Variants in UBR1 observed in about 807,000 individuals in gnomAD.
UBR1 encodes the protein ubiquitin protein ligase E3 component n-recognin 1, also known as E3 ubiquitin-protein ligase UBR1.
In UBR1, 102 loss-of-function variants were observed where a neutral mutation model predicts 242.1. The ratio of observed to expected loss-of-function variants is 0.42; its 90% CI spans 0.36 to 0.50. UBR1 has a LOEUF of 0.50. Ranked by LOEUF, UBR1 falls within the 20% of genes least tolerant of loss-of-function variation. UBR1 has a pLI of 0.01. For synonymous variants in UBR1, 675 were observed against 684.8 expected (o/e 0.99, Z 0.22); for missense variants, 1,772 against 2,101.8 (o/e 0.84, Z 3.07).
chr15:43,076,517 G>A (rs12904814), intron 3 of UBR1, among the ~76,000 whole-genome samples: 1 of 149,174 alleles, frequency 6.7e-6, no homozygotes, highest in African/African-American at 2.5e-5. Context: ...CTGCCCGGCC[G>A]CCCATCGTCT....
At chr15:42,962,207 T>A (rs2032035005) in intron 42 of UBR1, among the ~76,000 whole-genome samples, 1 of 152,104 alleles carries the variant, frequency 6.6e-6, no homozygotes, top group Non-Finnish European at 1.5e-5. Flanking sequence ...CCATTCTAAG[T>A]ATTTAAACAA....
chr15:43,091,933 AAAAT>A, intron 1 of UBR1: 1 of 392,214 alleles, frequency 2.5e-6, no homozygotes, highest in African/African-American at 2.2e-5. Flanking sequence ...AAAAAAAAAA[AAAAT>A]TAGCCAGATG....
chr15:43,050,955 G>T (rs1265635613), intron 12 of UBR1, among the ~76,000 whole-genome samples: 3 of 152,172 alleles, frequency 2.0e-5, no homozygotes, highest in African/African-American at 7.2e-5. Context: ...AGGGAAAAAT[G>T]AATGCTCATA....
At chr15:43,023,897 G>A (rs1171947141) in intron 25 of UBR1, among the ~76,000 whole-genome samples, 2 of 152,136 alleles carry the variant, frequency 1.3e-5, no homozygotes, top group African/African-American at 4.8e-5. Context: ...AAAAACATTT[G>A]TATAAGAACG....
chr15:43,063,925 G>A lies in UBR1; in HGVS notation c.799-3811C>T, dbSNP rs145353550. ...CTAATTTTGTATTTCTAGTAGGGAC[G>A]GCGTTTCTCCATGTTGGTCAGGCTG... On this transcript the variant is annotated intron_variant, in intron 6 of 46. Coordinates refer to ENST00000290650, the MANE Select transcript of UBR1 (RefSeq NM_174916.3). Among the ~76,000 whole-genome samples the A allele has an allele frequency of 3.5e-3, 525 of 152,106 alleles. 2 individuals carry two copies. Among genetic ancestry groups the A allele is most frequent in the African/African-American group, 0.012 (499 of 41,480 alleles).
intron 21 of UBR1, among the ~76,000 whole-genome samples, chr15:43,029,125 G>GCACACACACACACA (rs144923922): frequency 3.2e-4 from 49 of 151,066 alleles, no homozygotes; most frequent in African/African-American, 1.2e-3. Flanking sequence ...ACACACACAC[G>GCACACACACACACA]CACACACACA....
At chr15:43,104,765 CG>C (rs769643255) in intron 1 of UBR1, among the ~76,000 whole-genome samples, 2 of 151,188 alleles carry the variant, frequency 1.3e-5, no homozygotes, top group African/African-American at 2.4e-5. Context: ...TTTGGGATGC[CG>C]AGGCAGGTGG....
intron 33 of UBR1, among the ~76,000 whole-genome samples, chr15:42,997,102 A>C (rs910031068): frequency 4.6e-5 from 7 of 152,166 alleles, no homozygotes; most frequent in Non-Finnish European, 1.0e-4. Flanking sequence ...GCCGCTTCCC[A>C]TCACTTGCAT....
At chr15:43,011,857 T>C in intron 29 of UBR1, 1 of 439,140 alleles carries the variant, frequency 2.3e-6, no homozygotes, top group Non-Finnish European at 4.5e-6. Flanking sequence ...AACCTAAATG[T>C]CTAAAGTCAG....
chr15:43,036,381 T>C (rs2033335506), intron 18 of UBR1, 102 bp from the exon 19 acceptor site: 1 of 1,220,202 alleles, frequency 8.2e-7, no homozygotes, highest in Admixed American at 1.7e-5. Context: ...GAAGATAATG[T>C]AGTAGTCCCT....
At chr15:43,076,826 C>G (rs2033906989) in intron 3 of UBR1, among the ~76,000 whole-genome samples, 1 of 115,208 alleles carries the variant, frequency 8.7e-6, no homozygotes, top group Non-Finnish European at 1.9e-5. Context: ...AGGTGAGGGG[C>G]GCCTCTGCCC....
At chr15:43,076,524 G>C (rs1167526152) in intron 3 of UBR1, among the ~76,000 whole-genome samples, 1 of 142,596 alleles carries the variant, frequency 7.0e-6, no homozygotes, top group East Asian at 2.1e-4. Context: ...GCCGCCCATC[G>C]TCTGAGATGT....
rs368692976 is a variant in UBR1 at position 43,007,168 on chromosome 15, A to G, written c.3326T>C (p.Ile1109Thr). The change falls in exon 30 of 47, where the codon ATA (isoleucine) becomes ACA (threonine). Residue 1109 changes from isoleucine to threonine, a missense_variant. Physicochemically the swap from Ile to Thr is moderately conservative, Grantham distance 89. This residue lies in a region of UBR1 where 965 missense variants were observed against 1,079.7 expected (regional missense o/e 0.89). Transcript: ENST00000290650. ...ILCQEEQEVKIENNAMVLSAC... is the reference protein window; with the variant it reads ...ILCQEEQEVKTENNAMVLSAC... ...CGATAATACCATGGCATTATTTTCTATTTTCACCTCCTGTTCTTCTTGGCA... is the reference window on the plus strand; with the variant it reads ...CGATAATACCATGGCATTATTTTCTGTTTTCACCTCCTGTTCTTCTTGGCA... 19 of 1,613,872 alleles carry G rather than the reference A, an allele frequency of 1.2e-5. No individual in the cohort carries two copies. The African/African-American group carries it at 1.6e-4, about 14-fold the overall frequency.
intron 45 of UBR1, 98 bp from the exon 46 acceptor site, chr15:42,950,461 C>A (rs1451621975): frequency 2.1e-6 from 2 of 967,478 alleles, no homozygotes; most frequent in Non-Finnish European, 3.3e-6. Flanking sequence ...TGGCCAATAT[C>A]TGTTAGATAT....
chr15:42,967,131 T>C (rs1021779563), intron 40 of UBR1, among the ~76,000 whole-genome samples: 2 of 151,362 alleles, frequency 1.3e-5, no homozygotes, highest in African/African-American at 2.4e-5. Flanking sequence ...TTGGCCAGGA[T>C]GGTTTCGAAC....
At chr15:43,082,988 G>A (rs999582368) in intron 2 of UBR1, among the ~76,000 whole-genome samples, 4 of 152,136 alleles carry the variant, frequency 2.6e-5, no homozygotes, top group African/African-American at 9.7e-5. Flanking sequence ...ACCTGGTTTC[G>A]AACTGTTAGA....
rs367662879 is a variant in UBR1, at chr15:43,089,356, G to T, written c.82-3116C>A. On this transcript the variant is annotated intron_variant, in intron 1 of 46. Coordinates refer to ENST00000290650, the MANE Select transcript of UBR1 (RefSeq NM_174916.3). ...AAATACAAAACAAAATTAGCCAGGC[G>T]TGGTGGTAGGCGCCTGTAGTCCCAG... is the stretch of plus-strand genomic sequence containing the variant. 6.6e-5 allele frequency among the ~76,000 whole-genome samples: 10 copies of T among 151,860 alleles called. No individual in the cohort carries two copies. In the East Asian group the frequency reaches 1.9e-3, roughly 29 times the overall value.
chr15:43,003,316 C>T (rs973943597), intron 31 of UBR1: 17 of 171,222 alleles, frequency 9.9e-5, no homozygotes, highest in African/African-American at 1.4e-4. Flanking sequence ...AGTGCAATGG[C>T]GCAATCTTGG....
chr15:42,998,038 A>T (rs1021952805), intron 33 of UBR1, 130 bp downstream of exon 33: 75 of 846,154 alleles, frequency 8.9e-5, no homozygotes, highest in Non-Finnish European at 1.2e-4. Context: ...TTTTAGCTTC[A>T]AAAACTTCTA....
Sources: allele counts gnomAD v4.1 joint callset (sites outside exome capture counted in the v4.1 genomes callset), GRCh38; gene constraint gnomAD v4.1.1; regional missense constraint gnomAD v4.1.1; transcripts MANE v1.5; gene names NCBI Gene and HGNC (gene_info 2026-07-23, HGNC 2026-07-21).